Variants in GRIA4 observed in about 807,000 individuals in gnomAD.
The protein encoded by GRIA4 is glutamate ionotropic receptor AMPA type subunit 4, also known as glutamate receptor 4.
Under a neutral mutation model 104.0 loss-of-function variants are expected in GRIA4, and 34 were observed. The ratio of observed to expected loss-of-function variants is 0.33; its 90% CI spans 0.25 to 0.44. The LOEUF is 0.44. Among genes scored for constraint, GRIA4 ranks in the 20% least tolerant of loss-of-function variants. The pLI is 1.00. For missense variants in GRIA4, 750 were observed against 1,096.5 expected (o/e 0.68, Z 4.46); for synonymous variants, 386 against 381.9 (o/e 1.01, Z -0.13).
intron 3 of GRIA4, among the ~76,000 whole-genome samples, chr11:105,625,089 T>C (rs1307143446): frequency 6.6e-6 from 1 of 152,064 alleles, no homozygotes; most frequent in Admixed American, 6.6e-5. Context: ...TTTTTGGTAG[T>C]CTCTGTATCT....
intron 3 of GRIA4, among the ~76,000 whole-genome samples, chr11:105,649,338 A>G (rs968581391): frequency 4.6e-5 from 7 of 152,184 alleles, no homozygotes; most frequent in African/African-American, 7.2e-5. Context: ...ATGTCCATTT[A>G]TAAGATCTTT....
intron 3 of GRIA4, among the ~76,000 whole-genome samples, chr11:105,668,333 A>G (rs1006020722): frequency 2.7e-5 from 4 of 148,206 alleles, no homozygotes; most frequent in African/African-American, 9.8e-5. Flanking sequence ...TATTCACTAT[A>G]TGAATAGTTT....
At chr11:105,817,540 T>C (rs1207084969) in intron 4 of GRIA4, among the ~76,000 whole-genome samples, 2 of 151,866 alleles carry the variant, frequency 1.3e-5, no homozygotes, top group Non-Finnish European at 2.9e-5. Flanking sequence ...GTGTCAGGTG[T>C]ATCATACATT....
intron 4 of GRIA4, among the ~76,000 whole-genome samples, chr11:105,824,439 T>C (rs1343022145): frequency 6.6e-6 from 1 of 152,038 alleles, no homozygotes; most frequent in Non-Finnish European, 1.5e-5. Flanking sequence ...TATTCCACTA[T>C]CACAAAACAC....
intron 5 of GRIA4, among the ~76,000 whole-genome samples, chr11:105,870,301 C>T (rs1163372903): frequency 1.3e-5 from 2 of 150,848 alleles, no homozygotes; most frequent in Non-Finnish European, 1.5e-5. Context: ...AAATATTGTG[C>T]AGTAACACAA....
intron 4 of GRIA4, among the ~76,000 whole-genome samples, chr11:105,794,469 G>GTGTGTGTATATATATA (rs1427661928): frequency 2.5e-5 from 1 of 40,776 alleles, no homozygotes; most frequent in African/African-American, 8.4e-5. Flanking sequence ...GTGTGTATAT[G>GTGTGTGTATATATATA]TATGTATATA....
At chr11:105,618,501 G>C (rs972702401) in intron 3 of GRIA4, among the ~76,000 whole-genome samples, 1 of 151,926 alleles carries the variant, frequency 6.6e-6, no homozygotes, top group Non-Finnish European at 1.5e-5. Context: ...AGGGTGCAGG[G>C]GAAGTGTGGT....
chr11:105,653,189 GCGTCAGCCAC>G (rs1370232078), intron 3 of GRIA4, among the ~76,000 whole-genome samples: 5 of 152,218 alleles, frequency 3.3e-5, no homozygotes, highest in Non-Finnish European at 5.9e-5. Flanking sequence ...GGGATTACAG[GCGTCAGCCAC>G]CGCACCCGGC....
At chr11:105,875,367 G>C (rs546050724) in intron 5 of GRIA4, among the ~76,000 whole-genome samples, 2 of 152,186 alleles carry the variant, frequency 1.3e-5, no homozygotes, top group African/African-American at 4.8e-5. Context: ...ATATTGGCCT[G>C]AAATTTTCTT....
chr11:105,811,513 T>C (rs1368655733), intron 4 of GRIA4, among the ~76,000 whole-genome samples: 1 of 152,072 alleles, frequency 6.6e-6, no homozygotes, highest in Non-Finnish European at 1.5e-5. Context: ...TTGCTCAGTC[T>C]GGGGAGGATT....
At chr11:105,885,891 A>G (rs1946238977) in intron 5 of GRIA4, among the ~76,000 whole-genome samples, 1 of 152,248 alleles carries the variant, frequency 6.6e-6, no homozygotes, top group African/African-American at 2.4e-5. Flanking sequence ...TTAGAAGCAA[A>G]CAGAAAACAT....
chr11:105,835,913 A>G (rs1944166210), intron 4 of GRIA4, among the ~76,000 whole-genome samples: 1 of 152,092 alleles, frequency 6.6e-6, no homozygotes, highest in Admixed American at 6.6e-5. Flanking sequence ...AAAAAGAAAG[A>G]AAAAAAGTTT....
chr11:105,744,186 C>T (rs772805302), intron 3 of GRIA4, among the ~76,000 whole-genome samples: 2 of 152,104 alleles, frequency 1.3e-5, no homozygotes, highest in African/African-American at 2.4e-5. Flanking sequence ...CTGTCTTGTC[C>T]ACTAGACTGT....
chr11:105,726,897 C>A (rs922221992), intron 3 of GRIA4, among the ~76,000 whole-genome samples: 9 of 151,792 alleles, frequency 5.9e-5, no homozygotes, highest in Admixed American at 1.3e-4. Context: ...ACAGCAAAGA[C>A]CAAAGGTAGA....
In GRIA4 at chr11:105,933,900, C is replaced by G; in HGVS notation, c.2225C>G (p.Thr742Arg). ...EYIEQRKPCD[T>R]MKVGGNLDSK... ...ATTGAGCAGCGAAAGCCATGTGACA[C>G]GATGAAAGTGGGAGGAAATCTGGAT... The change falls in exon 14 of 17, where the codon ACG becomes AGG. Residue 742 changes from threonine (T) to arginine (R), a missense_variant. Coordinates refer to ENST00000282499, the MANE Select transcript of GRIA4 (RefSeq NM_000829.4). The G allele has an allele frequency of 6.2e-7, 1 of 1,613,060 alleles. No homozygotes were observed. The highest frequency in any genetic ancestry group is 8.5e-7 in the Non-Finnish European group (1 of 1,179,204).
chr11:105,957,145 T>C (rs1403427487), intron 14 of GRIA4, among the ~76,000 whole-genome samples: 3 of 152,240 alleles, frequency 2.0e-5, no homozygotes, highest in African/African-American at 7.2e-5. Flanking sequence ...TTGCTTTTGT[T>C]GCCATTGCTT....
At chr11:105,618,383 A>G (rs1020132447) in intron 3 of GRIA4, among the ~76,000 whole-genome samples, 4 of 152,052 alleles carry the variant, frequency 2.6e-5, no homozygotes, top group Non-Finnish European at 4.4e-5. Flanking sequence ...ACGATTTACA[A>G]TGATGGCTGC....
chr11:105,914,087 A>G (rs1565339074), intron 10 of GRIA4, among the ~76,000 whole-genome samples: 1 of 151,822 alleles, frequency 6.6e-6, no homozygotes, highest in East Asian at 1.9e-4. Context: ...ACATACATAC[A>G]GAAAATTAAA....
intron 4 of GRIA4, among the ~76,000 whole-genome samples, chr11:105,769,986 C>G (rs1019388386): frequency 1.5e-4 from 23 of 152,088 alleles, no homozygotes; most frequent in African/African-American, 5.3e-4. Context: ...ATTTCTACAC[C>G]TACTGTATAT....
Sources: gnomAD v4.1 joint callset for allele counts (sites outside exome capture counted in the v4.1 genomes callset) on GRCh38, gnomAD v4.1.1 for gene constraint, MANE v1.5 for transcripts, NCBI Gene and HGNC (gene_info 2026-07-23, HGNC 2026-07-21) for gene names.